SLC66A2: variants seen among roughly 807,000 people sequenced by gnomAD.
The protein encoded by SLC66A2 is PQ loop repeat containing 1.
SLC66A2 carries 23 observed loss-of-function variants against 25.5 expected under a neutral mutation model. That is an observed-to-expected ratio of 0.90 (90% CI 0.65 to 1.28). SLC66A2 has a LOEUF of 1.28. Among genes scored for constraint, SLC66A2 ranks in the 50% most tolerant of loss-of-function variants. SLC66A2 has a pLI of 0.00. For missense variants in SLC66A2, 396 were observed against 373.1 expected (o/e 1.06, Z -0.51); for synonymous variants, 193 against 166.5 (o/e 1.16, Z -1.23).
At chr18:79,912,277 TA>T (rs1291666194) in intron 5 of SLC66A2, among the ~76,000 whole-genome samples, 1 of 152,024 alleles carries the variant, frequency 6.6e-6, no homozygotes, top group African/African-American at 2.4e-5. Context: ...TACGTCCACA[TA>T]AAAACTCGTT....
rs145818674 is a variant in SLC66A2, at chr18:79,941,369, T to C, written c.337+1960A>G. ...AATCCAGGACCAGCCCCCTCAAGAGTCTCTCTGCCATGTACAGTGGCACGT... is the reference window on the plus strand; with the variant it reads ...AATCCAGGACCAGCCCCCTCAAGAGCCTCTCTGCCATGTACAGTGGCACGT... On this transcript the variant is annotated intron_variant, in intron 3 of 5. Coordinates refer to ENST00000397778, the MANE Select transcript of SLC66A2 (RefSeq NM_025078.5). This position sits in a 1 kb window ranked among gnomAD's most constrained non-coding sequence, Gnocchi z 4.1. 1 of 151,934 alleles carries C rather than the reference T, an allele frequency of 6.6e-6. No homozygotes were observed. Among genetic ancestry groups the C allele is most frequent in the African/African-American group, 2.4e-5 (1 of 41,286 alleles). The allele number at this position is 151,934 out of a possible 1,614,324, so 9.4% of individuals were successfully genotyped here.
rs72984216 is a variant in SLC66A2, at chr18:79,944,529, C to T, written c.204-1067G>A. The stretch of plus-strand genomic sequence containing the variant: ...ATGACTGGCAGTCTCTGCCTCCCTG[C>T]GGTCTCTGCCTCCCCAGAGCCACCA... On this transcript the variant is annotated intron_variant, in intron 2 of 5. Coordinates refer to ENST00000397778, the MANE Select transcript of SLC66A2 (RefSeq NM_025078.5). 7.4e-3 allele frequency: 1,123 copies of T among 152,536 alleles called. 9 individuals carry two copies. The highest frequency in any genetic ancestry group is 0.02 in the Admixed American group (302 of 15,294). 9.4% of individuals were successfully genotyped at this position (152,536 alleles called of 1,614,324 possible). A position where few individuals can be genotyped will look rare whatever the true frequency, so the allele number is the denominator to read the frequency against.
Position 79,950,875 on chromosome 18 carries a change from A to T in SLC66A2, c.52T>A (p.Ser18Thr), listed in dbSNP as rs1427304333. ...ACCATGGCCGCGGCCGCGCCCCAGG[A>T]CACCAGCTGGTGCAGTGGCACCAGG... ...WLLVPLHQLV[S>T]WGAAAAMVFG... is the part of the protein sequence containing the mutation. Residue 18 changes from serine to threonine, a missense_variant, in exon 2 of 6, where the codon TCC becomes ACC. Ser to Thr is a moderately conservative substitution (Grantham distance 58). Transcript: ENST00000397778. The T allele has an allele frequency of 6.2e-7, 1 of 1,605,524 alleles. No homozygotes were observed. The highest frequency in any genetic ancestry group is 1.7e-5 in the Admixed American group (1 of 59,082).
chr18:79,935,876 C>G (rs1987034007), intron 3 of SLC66A2, among the ~76,000 whole-genome samples: 1 of 152,240 alleles, frequency 6.6e-6, no homozygotes, highest in Non-Finnish European at 1.5e-5. Flanking sequence ...TCCCCAGATG[C>G]TCCTGAGGAC....
chr18:79,918,615 C>A lies in SLC66A2; in HGVS notation c.608+569G>T, dbSNP rs1984574867. 6.6e-6 allele frequency among the ~76,000 whole-genome samples: 1 copy of A among 152,248 alleles called. No homozygotes were observed. The highest frequency in any genetic ancestry group is 2.4e-5 in the African/African-American group (1 of 41,464). ...CCAGGACCTTGACTGAGCCCGTGGG[C>A]ATCATGCTGCTCGCGTTGTGCCCTA... On this transcript the variant is annotated intron_variant, in intron 5 of 5. Transcript: ENST00000397778. This position sits in a 1 kb window ranked among gnomAD's most constrained non-coding sequence, Gnocchi z 4.0.
Position 79,950,838 on chromosome 18 carries a change from A to ACC in SLC66A2, c.87_88dup (p.Val30GlyfsTer56). ...CCGATACTGCGGGACGTAGGGCACC[A>ACC]CCCCTCCGAAGACCATGGCCGCGGC... On this transcript the variant is annotated frameshift_variant, in exon 2 of 6. Transcript: ENST00000397778. LOFTEE classifies it high-confidence loss of function. The ACC allele has an allele frequency of 6.2e-7, 1 of 1,611,262 alleles. No individual in the cohort carries two copies. The highest frequency in any genetic ancestry group is 8.5e-7 in the Non-Finnish European group (1 of 1,179,386).
intron 5 of SLC66A2, among the ~76,000 whole-genome samples, chr18:79,916,977 C>T (rs994176756): frequency 3.3e-5 from 5 of 152,258 alleles, no homozygotes; most frequent in Admixed American, 2.6e-4. Flanking sequence ...CGGTGCCCGC[C>T]GCAGGACCGA....
At chr18:79,936,013 G>A (rs1987047845) in intron 3 of SLC66A2, among the ~76,000 whole-genome samples, 2 of 152,372 alleles carry the variant, frequency 1.3e-5, no homozygotes, top group African/African-American at 2.4e-5. Context: ...GAACAAGAGA[G>A]ACACAACAAG....
At position 79,933,978 on chromosome 18, in the gene SLC66A2, A is replaced by G. The variant is rs769562718; in HGVS notation, c.382T>C (p.Ser128Pro). The G allele has an allele frequency of 6.2e-7, 1 of 1,612,426 alleles. No homozygotes were observed. Among genetic ancestry groups the G allele is most frequent in the Non-Finnish European group, 8.5e-7 (1 of 1,179,528 alleles). Residue 128 changes from serine (S) to proline (P), a missense_variant, in exon 4 of 6, where the codon TCC becomes CCC. Physicochemically the swap from Ser to Pro is moderately conservative, Grantham distance 74. Transcript: ENST00000397778. ...DEEVKVAPRR[S>P]FLDFDPHHFW... The stretch of plus-strand genomic sequence containing the variant: ...CGCGCAGGGTACATACCCAGGAAGG[A>G]CCGCCTGGGGGCAACCTTGACTTCT...
chr18:79,950,327 T>TCA (rs1163446928), intron 2 of SLC66A2, among the ~76,000 whole-genome samples: 1 of 152,128 alleles, frequency 6.6e-6, no homozygotes, highest in Non-Finnish European at 1.5e-5. Context: ...ATCATGCACT[T>TCA]CAGCCTGGAC....
At chr18:79,914,820 G>A (rs1307529752) in intron 5 of SLC66A2, among the ~76,000 whole-genome samples, 1 of 152,240 alleles carries the variant, frequency 6.6e-6, no homozygotes, top group Non-Finnish European at 1.5e-5. Context: ...CTGCCCAGAG[G>A]GAGCCTCAGG....
intron 5 of SLC66A2, among the ~76,000 whole-genome samples, chr18:79,906,206 GTTT>G (rs1355936974): frequency 1.3e-5 from 2 of 152,122 alleles, no homozygotes; most frequent in African/African-American, 4.8e-5. Flanking sequence ...TTTCAGTTTG[GTTT>G]TTTATGTTTG....
chr18:79,903,826 A>AGACAC lies in SLC66A2; in HGVS notation c.*145_*149dup, dbSNP rs1398190091. The AGACAC allele has an allele frequency of 6.7e-6, 4 of 592,952 alleles. No homozygotes were observed. The highest frequency in any genetic ancestry group is 1.1e-5 in the Non-Finnish European group (4 of 348,892). 36.7% of individuals were successfully genotyped at this position (592,952 alleles called of 1,614,324 possible). ...AGCCCCACCCCCACTGCCCACCCTG[A>AGACAC]GACACCCCACAGAGGCTGATGGAGA... On this transcript the variant is annotated 3_prime_UTR_variant, in exon 6 of 6. Transcript: ENST00000397778.
intron 5 of SLC66A2, among the ~76,000 whole-genome samples, chr18:79,914,240 G>A (rs148098396): frequency 2.8e-4 from 42 of 152,334 alleles, no homozygotes; most frequent in African/African-American, 8.9e-4. Context: ...TTAAGTACGT[G>A]TGTGTGCACA....
chr18:79,942,046 A>C (rs1036656159), intron 3 of SLC66A2, among the ~76,000 whole-genome samples: 3 of 152,250 alleles, frequency 2.0e-5, no homozygotes, highest in Non-Finnish European at 2.9e-5. Context: ...GCTCAGGTCC[A>C]GAGAAGGAGC....
intron 4 of SLC66A2, among the ~76,000 whole-genome samples, chr18:79,923,999 T>G (rs541368846): frequency 6.7e-6 from 1 of 149,756 alleles, no homozygotes; most frequent in East Asian, 2.0e-4. Flanking sequence ...GCTGTGCCAC[T>G]GCACTGCAGC....
chr18:79,950,509 T>C (rs995974087), intron 2 of SLC66A2, among the ~76,000 whole-genome samples: 1 of 152,228 alleles, frequency 6.6e-6, no homozygotes, highest in Admixed American at 6.5e-5. Flanking sequence ...AGATTTTCTC[T>C]GAGATTCTGT....
intron 5 of SLC66A2, among the ~76,000 whole-genome samples, chr18:79,908,038 C>T (rs916557723): frequency 1.3e-5 from 2 of 152,114 alleles, no homozygotes. Flanking sequence ...GGACTTGTCA[C>T]GTACAGCTAC....
chr18:79,938,109 G>A (rs1440390929), intron 3 of SLC66A2, among the ~76,000 whole-genome samples: 1 of 148,898 alleles, frequency 6.7e-6, no homozygotes, highest in African/African-American at 2.5e-5. Flanking sequence ...TAACACCACT[G>A]CACTCCAGCC....
Sources: gnomAD v4.1 joint callset for allele counts (sites outside exome capture counted in the v4.1 genomes callset) on GRCh38, gnomAD v4.1.1 for gene constraint, Gnocchi (gnomAD v3.1) non-coding constraint, MANE v1.5 for transcripts, NCBI Gene and HGNC (gene_info 2026-07-23, HGNC 2026-07-21) for gene names.